Variants in TMEM135 observed in about 807,000 individuals in gnomAD.
The protein encoded by TMEM135 is peroxisomal membrane protein 52.
A neutral mutation model predicts 60.3 loss-of-function variants in TMEM135; 30 were observed. The observed-to-expected ratio is 0.50, with a 90% CI of 0.37 to 0.68. The LOEUF (loss-of-function observed/expected upper bound fraction) is 0.68, where lower values mean the gene tolerates loss of function less well. Ranked by LOEUF, TMEM135 falls within the 30% of genes least tolerant of loss-of-function variation. TMEM135 has a pLI of 0.00. For missense variants in TMEM135, 468 were observed against 548.8 expected, an observed-to-expected ratio of 0.85 and a Z score of 1.47; for synonymous variants, 190 against 186.7, an observed-to-expected ratio of 1.02 and a Z score of -0.14.
At chr11:87,286,562 A>C (rs1229575434) in intron 6 of TMEM135, among the ~76,000 whole-genome samples, 1 of 152,184 alleles carries the variant, frequency 6.6e-6, no homozygotes, top group Non-Finnish European at 1.5e-5. Flanking sequence ...CGGGGGCCAC[A>C]GAGCAGGGGG....
At chr11:87,169,448 C>A (rs1318340596) in intron 5 of TMEM135, among the ~76,000 whole-genome samples, 2 of 151,442 alleles carry the variant, frequency 1.3e-5, no homozygotes, top group Non-Finnish European at 2.9e-5. Flanking sequence ...ACTGGTTTTT[C>A]CTTTCGATAT....
intron 1 of TMEM135, among the ~76,000 whole-genome samples, chr11:87,045,436 A>T (rs1949787803): frequency 1.3e-5 from 2 of 152,174 alleles, no homozygotes; most frequent in South Asian, 4.1e-4. Context: ...AGGGCTTAGT[A>T]TTGCAGTAAA....
intron 5 of TMEM135, among the ~76,000 whole-genome samples, chr11:87,220,126 T>C (rs551659676): frequency 1.3e-5 from 2 of 152,276 alleles, no homozygotes; most frequent in Admixed American, 6.5e-5. Flanking sequence ...CAAATGCCGG[T>C]TTATAATTTG....
At position 87,328,011 on chromosome 11, in the gene TMEM135, C is replaced by A; in HGVS notation, c.*6678C>A. The stretch of plus-strand genomic sequence containing the variant: ...CACATGCCAATCTCCTCTGGAAACA[C>A]CCTCACAGACACACCCCAAAATAAT... On this transcript the variant is annotated 3_prime_UTR_variant, in exon 15 of 15. Transcript: ENST00000305494. 1 of 454,062 alleles carries A rather than the reference C, an allele frequency of 2.2e-6. No homozygotes were observed. Among genetic ancestry groups the A allele is most frequent in the Non-Finnish European group, 4.4e-6 (1 of 226,782 alleles). The allele number at this position is 454,062 out of a possible 1,614,324, so 28.1% of individuals were successfully genotyped here. A position where few individuals can be genotyped will look rare whatever the true frequency, so the allele number is the denominator to read the frequency against.
chr11:87,273,098 C>G (rs1941900169), intron 6 of TMEM135, among the ~76,000 whole-genome samples: 1 of 152,100 alleles, frequency 6.6e-6, no homozygotes, highest in Non-Finnish European at 1.5e-5. Flanking sequence ...TTTATTTATT[C>G]CATCCAAAGC....
At chr11:87,059,307 CT>C (rs774797136) in intron 1 of TMEM135, among the ~76,000 whole-genome samples, 345 of 134,492 alleles carry the variant, frequency 2.6e-3, no homozygotes, top group Admixed American at 4.3e-3. Context: ...GTTTGAAGTT[CT>C]TTTTTTTTTT....
At chr11:87,127,214 A>G (rs763831958) in intron 4 of TMEM135, among the ~76,000 whole-genome samples, 2 of 152,208 alleles carry the variant, frequency 1.3e-5, no homozygotes, top group Non-Finnish European at 2.9e-5. Flanking sequence ...GTCTGAGGAT[A>G]ATGTTTAGCA....
chr11:87,142,725 A>C (rs1227415934), intron 4 of TMEM135, among the ~76,000 whole-genome samples: 54 of 115,198 alleles, frequency 4.7e-4, no homozygotes, highest in South Asian at 1.1e-3. Context: ...TCCCTCCTTC[A>C]CCCCTTCCTC....
intron 12 of TMEM135, among the ~76,000 whole-genome samples, chr11:87,317,165 T>C (rs950373293): frequency 6.6e-6 from 1 of 152,064 alleles, no homozygotes; most frequent in Non-Finnish European, 1.5e-5. Flanking sequence ...GTTTCTGTCC[T>C]TCATTAACTT....
At chr11:87,212,134 T>G (rs11235013) in intron 5 of TMEM135, among the ~76,000 whole-genome samples, 9,977 of 152,232 alleles carry the variant, frequency 0.066, 351 homozygotes, top group African/African-American at 0.087. Flanking sequence ...AAATGCCCAA[T>G]AGCTGGTAAT....
chr11:87,274,800 G>GTGTT (rs1941936562), intron 6 of TMEM135, among the ~76,000 whole-genome samples: 1 of 148,316 alleles, frequency 6.7e-6, no homozygotes, highest in Admixed American at 6.7e-5. Context: ...GTGTGTGTGT[G>GTGTT]TGTGTGTGTG....
At chr11:87,217,765 C>T (rs1242517816) in intron 5 of TMEM135, among the ~76,000 whole-genome samples, 3 of 149,336 alleles carry the variant, frequency 2.0e-5, no homozygotes, top group African/African-American at 7.4e-5. Flanking sequence ...GCCTGGGCAA[C>T]AAGAGTGAAA....
intron 4 of TMEM135, among the ~76,000 whole-genome samples, chr11:87,122,818 A>T (rs142114260): frequency 6.6e-6 from 1 of 152,160 alleles, no homozygotes; most frequent in African/African-American, 2.4e-5. Flanking sequence ...CATCAGTACT[A>T]TGCAGTACTC....
intron 4 of TMEM135, among the ~76,000 whole-genome samples, chr11:87,125,358 G>A (rs1405194495): frequency 1.3e-5 from 2 of 152,184 alleles, no homozygotes; most frequent in Non-Finnish European, 2.9e-5. Context: ...AAGAGTAGTT[G>A]TGGGGGAGTA....
chr11:87,100,356 C>T (rs966065235), intron 4 of TMEM135, among the ~76,000 whole-genome samples: 1 of 152,130 alleles, frequency 6.6e-6, no homozygotes, highest in African/African-American at 2.4e-5. Flanking sequence ...TACTGTATAA[C>T]TTTTACTACA....
rs542871871 is a variant in TMEM135 at position 87,325,985 on chromosome 11, C to T, written c.*4652C>T. The T allele has an allele frequency of 5.3e-5, 24 of 453,988 alleles. No homozygotes were observed. The East Asian group carries it at 1.4e-3, about 26-fold the overall frequency. 28.1% of individuals were successfully genotyped at this position (453,988 alleles called of 1,614,324 possible). A position where few individuals can be genotyped will look rare whatever the true frequency, so the allele number is the denominator to read the frequency against. On this transcript the variant is annotated 3_prime_UTR_variant, in exon 15 of 15. Transcript: ENST00000305494. ...CAGACCTGAAAATCCCAGTATATTACCACAGACACACATACCATCTGGTCA... is the reference window on the plus strand; with the variant it reads ...CAGACCTGAAAATCCCAGTATATTATCACAGACACACATACCATCTGGTCA...
intron 1 of TMEM135, among the ~76,000 whole-genome samples, chr11:87,067,112 T>G (rs951212185): frequency 2.7e-5 from 4 of 148,954 alleles, no homozygotes; most frequent in Non-Finnish European, 5.9e-5. Flanking sequence ...CAGGTCTTTT[T>G]TTTTTTAATG....
intron 2 of TMEM135, among the ~76,000 whole-genome samples, chr11:87,068,611 C>T (rs1458303971): frequency 6.6e-6 from 1 of 151,780 alleles, no homozygotes. Context: ...GAGATCGAGG[C>T]CATCCTGGCT....
At chr11:87,217,443 A>C (rs1472165776) in intron 5 of TMEM135, among the ~76,000 whole-genome samples, 1 of 152,202 alleles carries the variant, frequency 6.6e-6, no homozygotes, top group Non-Finnish European at 1.5e-5. Flanking sequence ...AAATTTCAGT[A>C]CAATAATGAG....
Sources: allele counts gnomAD v4.1 joint callset (sites outside exome capture counted in the v4.1 genomes callset), GRCh38; gene constraint gnomAD v4.1.1; transcripts MANE v1.5; gene names NCBI Gene and HGNC (gene_info 2026-07-23, HGNC 2026-07-21).